The following FAM76A variants were observed in gnomAD, a reference collection of about 807,000 sequenced individuals.
FAM76A encodes the protein protein FAM76A.
In FAM76A, 32 loss-of-function variants were observed where a neutral mutation model predicts 46.2. The observed-to-expected ratio is 0.69, with a 90% CI of 0.52 to 0.93. FAM76A has a LOEUF of 0.93. FAM76A is among the 40% of genes least tolerant of loss of function. The probability of loss-of-function intolerance (pLI) is 0.00; values close to 1 mark genes in which losing one functional copy is unlikely to be tolerated. For missense variants in FAM76A, 274 were observed against 361.5 expected (o/e 0.76, Z 1.96); for synonymous variants, 137 against 127.0 (o/e 1.08, Z -0.53).
chr1:27,732,507 C>A, intron 2 of FAM76A, 96 bp from the exon 3 acceptor site: 1 of 928,272 alleles, frequency 1.1e-6, no homozygotes, highest in Non-Finnish European at 1.7e-6. Flanking sequence ...CCATATCTCA[C>A]TTTGGCCCTT....
intron 4 of FAM76A, among the ~76,000 whole-genome samples, chr1:27,738,664 C>T (rs1421427531): frequency 1.3e-5 from 2 of 152,062 alleles, no homozygotes; most frequent in African/African-American, 4.8e-5. Context: ...ATGAACTGAA[C>T]AGACAAGACC....
At chr1:27,748,673 G>C (rs981710195) in intron 5 of FAM76A, among the ~76,000 whole-genome samples, 1 of 150,646 alleles carries the variant, frequency 6.6e-6, no homozygotes, top group South Asian at 2.1e-4. Flanking sequence ...AGTGGAGATG[G>C]GGTTTCACCG....
intron 8 of FAM76A, 152 bp downstream of exon 8, chr1:27,759,779 G>GGTTTTTTTTGTTTTT: frequency 2.8e-6 from 1 of 359,620 alleles, no homozygotes. Context: ...TTTTTTTTTT[G>GGTTTTTTTTGTTTTT]TTTTTTTTTT....
Position 27,726,070 on chromosome 1 carries a change from C to T in FAM76A, c.-11C>T. Reference sequence around the variant, plus strand: ...GGGCCGGCGGGTCGGTGAGCGCGGCCCGGGCCGGACATGGCGGCGCTCTAC... The same window carrying T: ...GGGCCGGCGGGTCGGTGAGCGCGGCTCGGGCCGGACATGGCGGCGCTCTAC... On this transcript the variant is annotated 5_prime_UTR_variant, in exon 1 of 9. Transcript: ENST00000373954. The T allele has an allele frequency of 8.0e-7, 1 of 1,256,984 alleles. No individual in the cohort carries two copies. Among genetic ancestry groups the T allele is most frequent in the Middle Eastern group, 3.1e-4 (1 of 3,272 alleles). The allele number at this position is 1,256,984 out of a possible 1,614,324, so 77.9% of individuals were successfully genotyped here.
rs377129761 is a variant in FAM76A at position 27,734,017 on chromosome 1, T to C, written c.202-14T>C. ...GAAAGTAATACTTACTTGACTCTTT[T>C]TTCCCCTTTTAAGCCCAAACCTTGT... On this transcript the variant is annotated splice_polypyrimidine_tract_variant and intron_variant, in intron 3 of 8. Transcript: ENST00000373954. The C allele has an allele frequency of 1.7e-5, 27 of 1,599,232 alleles. No homozygotes were observed. The highest frequency in any genetic ancestry group is 2.1e-5 in the Non-Finnish European group (25 of 1,176,688).
At chr1:27,731,921 A>C (rs529533385) in intron 2 of FAM76A, among the ~76,000 whole-genome samples, 1 of 152,088 alleles carries the variant, frequency 6.6e-6, no homozygotes, top group Non-Finnish European at 1.5e-5. Context: ...TCCCGGGTTC[A>C]AGTGATTCTC....
chr1:27,753,196 AAGAG>A, intron 6 of FAM76A, among the ~76,000 whole-genome samples: 1 of 152,138 alleles, frequency 6.6e-6, no homozygotes, highest in East Asian at 1.9e-4. Flanking sequence ...AAAAAGAGAA[AAGAG>A]AGAGTTAGTG....
chr1:27,759,771 T>G (rs11497408), intron 8 of FAM76A, 144 bp downstream of exon 8: 2 of 611,326 alleles, frequency 3.3e-6, no homozygotes, highest in Non-Finnish European at 5.5e-6. Flanking sequence ...TTTAGGTTTT[T>G]TTTTTTTGTT....
chr1:27,734,268 C>A, intron 4 of FAM76A, 85 bp downstream of exon 4: 1 of 1,415,796 alleles, frequency 7.1e-7, no homozygotes, highest in Non-Finnish European at 9.4e-7. Flanking sequence ...ATTTAATAGG[C>A]CGGGCGTGGT....
chr1:27,730,187 TTTTTG>T, intron 2 of FAM76A: 2 of 221,038 alleles, frequency 9.0e-6, no homozygotes, highest in Non-Finnish European at 1.8e-5. Context: ...TTTTCTTTTT[TTTTTG>T]TTGTTGTTGT....
At chr1:27,745,441 A>ATTTCAGG (rs1322587978) in intron 5 of FAM76A, among the ~76,000 whole-genome samples, 1 of 152,116 alleles carries the variant, frequency 6.6e-6, no homozygotes, top group Non-Finnish European at 1.5e-5. Flanking sequence ...TATTCAATAC[A>ATTTCAGG]TTTCAGGTTT....
Position 27,761,079 on chromosome 1 carries a change from G to A in FAM76A, c.*498G>A, listed in dbSNP as rs572299281. Reference sequence around the variant, plus strand: ...TCTTCAGACTTGGTATAATGGAAGAGGCTTTCTCTCTCCAATAAACCTTTT... The same window carrying A: ...TCTTCAGACTTGGTATAATGGAAGAAGCTTTCTCTCTCCAATAAACCTTTT... On this transcript the variant is annotated 3_prime_UTR_variant, in exon 9 of 9. Coordinates refer to ENST00000373954, the MANE Select transcript of FAM76A (RefSeq NM_152660.3). The A allele has an allele frequency of 2.0e-5, 3 of 149,878 alleles. No homozygotes were observed. Among genetic ancestry groups the A allele is most frequent in the Admixed American group, 1.3e-4 (2 of 15,006 alleles). The allele number at this position is 149,878 out of a possible 1,614,324, so 9.3% of individuals were successfully genotyped here. A position where few individuals can be genotyped will look rare whatever the true frequency, so the allele number is the denominator to read the frequency against.
intron 4 of FAM76A, among the ~76,000 whole-genome samples, chr1:27,741,599 G>T (rs1039125788): frequency 1.3e-5 from 2 of 151,916 alleles, no homozygotes; most frequent in Non-Finnish European, 2.9e-5. Context: ...AGAAAAACAG[G>T]CCAGGCAACG....
intron 8 of FAM76A, chr1:27,759,894 A>G (rs1188820506): frequency 7.5e-6 from 4 of 532,002 alleles, no homozygotes; most frequent in African/African-American, 1.9e-5. Flanking sequence ...CACCCTTCCA[A>G]GTAGCGAAGA....
At chr1:27,759,779 G>GTTTTTTTTTGTT (rs1553179888) in intron 8 of FAM76A, 152 bp downstream of exon 8, 10 of 363,566 alleles carry the variant, frequency 2.8e-5, no homozygotes, top group Admixed American at 1.0e-4. Flanking sequence ...TTTTTTTTTT[G>GTTTTTTTTTGTT]TTTTTTTTTT....
Position 27,760,541 on chromosome 1 carries a change from G to T in FAM76A, c.884G>T (p.Ser295Ile), listed in dbSNP as rs138984922. ...LLKQAAALSKSKKSEKSGAIT... is the reference protein window; with the variant it reads ...LLKQAAALSKIKKSEKSGAIT... ...AAGCAGGCAGCTGCTTTGTCCAAGA[G>T]CAAGAAGTCAGAGAAGTCAGGAGCT... Residue 295 changes from serine to isoleucine, a missense_variant, in exon 9 of 9, where the codon AGC (serine) becomes ATC (isoleucine). Physicochemically the swap from Ser to Ile is moderately radical, Grantham distance 142 (BLOSUM62 -2). Transcript: ENST00000373954. 227 of 1,612,482 alleles carry T rather than the reference G, an allele frequency of 1.4e-4. No individual in the cohort carries two copies. The African/African-American group carries it at 2.7e-3, about 19-fold the overall frequency.
intron 4 of FAM76A, among the ~76,000 whole-genome samples, chr1:27,743,446 A>G (rs1186866100): frequency 6.6e-6 from 1 of 152,158 alleles, no homozygotes; most frequent in Non-Finnish European, 1.5e-5. Flanking sequence ...TGTTTTACAC[A>G]ATAAATATAT....
Position 27,760,946 on chromosome 1 carries a change from G to GTTTTTTT in FAM76A, c.*376_*382dup, listed in dbSNP as rs202213914. On this transcript the variant is annotated 3_prime_UTR_variant, in exon 9 of 9. Transcript: ENST00000373954. ...TAATGTGCAGAATGATTTGTTTTTT[G>GTTTTTTT]TTTTTTTTTTTTTTTTTGGTCCTTC... 1.2e-3 allele frequency: 41 copies of GTTTTTTT among 33,240 alleles called. No individual in the cohort carries two copies. Among genetic ancestry groups the GTTTTTTT allele is most frequent in the Middle Eastern group, 0.023 (1 of 44 alleles). The allele number at this position is 33,240 out of a possible 1,614,324, so 2.1% of individuals were successfully genotyped here.
chr1:27,726,009 G>C lies in FAM76A; in HGVS notation c.-72G>C, dbSNP rs2087850585. 10 of 1,176,512 alleles carry C rather than the reference G, an allele frequency of 8.5e-6. No homozygotes were observed. In the South Asian group the frequency reaches 2.0e-4, roughly 23 times the overall value. The allele number at this position is 1,176,512 out of a possible 1,614,324, so 72.9% of individuals were successfully genotyped here. On this transcript the variant is annotated 5_prime_UTR_variant, in exon 1 of 9. Coordinates refer to ENST00000373954, the MANE Select transcript of FAM76A (RefSeq NM_152660.3). The stretch of plus-strand genomic sequence containing the variant: ...AGCCAGCAGCCTGCAGCCGCCGCCG[G>C]GTTGTGCCTCAGACTGTCAGATAAA...
Sources: allele counts gnomAD v4.1 joint callset (sites outside exome capture counted in the v4.1 genomes callset), GRCh38; gene constraint gnomAD v4.1.1; transcripts MANE v1.5; gene names NCBI Gene and HGNC (gene_info 2026-07-23, HGNC 2026-07-21).